The following ADAMTS19 variants were observed in gnomAD, a reference collection of about 807,000 sequenced individuals.
ADAMTS19 encodes the protein A disintegrin and metalloproteinase with thrombospondin motifs 19.
In ADAMTS19, 93 loss-of-function variants were observed where a neutral mutation model predicts 153.3. That is an observed-to-expected ratio of 0.61 (90% CI 0.51 to 0.72). The LOEUF (loss-of-function observed/expected upper bound fraction) is 0.72, where lower values mean the gene tolerates loss of function less well. Ranked by LOEUF, ADAMTS19 falls within the 30% of genes least tolerant of loss-of-function variation. ADAMTS19 has a pLI of 0.00. For missense variants in ADAMTS19, 1,482 were observed against 1,552.1 expected (o/e 0.95, Z 0.76); for synonymous variants, 600 against 556.6 (o/e 1.08, Z -1.10).
chr5:129,665,472 T>C, intron 15 of ADAMTS19, 27 bp from the exon 16 acceptor site: 1 of 1,532,914 alleles, frequency 6.5e-7, no homozygotes, highest in African/African-American at 1.4e-5. Context: ...ACTCAAGATT[T>C]ATTTCATGTT....
chr5:129,627,908 A>T (rs941828097), intron 10 of ADAMTS19, among the ~76,000 whole-genome samples: 8 of 151,900 alleles, frequency 5.3e-5, no homozygotes, highest in African/African-American at 1.9e-4. Context: ...CTAAAAAAAA[A>T]ACTACCCATA....
chr5:129,611,446 A>T (rs1222778517), intron 8 of ADAMTS19, among the ~76,000 whole-genome samples: 2 of 152,136 alleles, frequency 1.3e-5, no homozygotes, highest in Non-Finnish European at 2.9e-5. Flanking sequence ...TCTTTAATCT[A>T]TCTTGAATTA....
intron 18 of ADAMTS19, among the ~76,000 whole-genome samples, chr5:129,692,317 C>T (rs148111386): frequency 1.1e-3 from 166 of 152,032 alleles, no homozygotes; most frequent in African/African-American, 3.6e-3. Context: ...AATCTTACCT[C>T]GTGATGCCTG....
At chr5:129,624,980 C>T (rs937441847) in intron 10 of ADAMTS19, among the ~76,000 whole-genome samples, 43 of 151,652 alleles carry the variant, frequency 2.8e-4, no homozygotes, top group African/African-American at 1.0e-3. Context: ...TGCTGTCCTT[C>T]CCCCATCCCC....
At chr5:129,632,003 A>G (rs1752318641) in intron 10 of ADAMTS19, among the ~76,000 whole-genome samples, 2 of 152,044 alleles carry the variant, frequency 1.3e-5, no homozygotes, top group Admixed American at 1.3e-4. Flanking sequence ...TTACCTCTTT[A>G]AGAGGCCTGA....
chr5:129,618,096 G>A (rs1240864567), intron 8 of ADAMTS19, among the ~76,000 whole-genome samples: 1 of 151,968 alleles, frequency 6.6e-6, no homozygotes, highest in Non-Finnish European at 1.5e-5. Context: ...ATTGCCTTTG[G>A]TCACATTAAC....
At chr5:129,589,728 G>A (rs556738600) in intron 7 of ADAMTS19, among the ~76,000 whole-genome samples, 43 of 152,030 alleles carry the variant, frequency 2.8e-4, no homozygotes, top group African/African-American at 8.7e-4. Context: ...TATATCTGTG[G>A]TCTGTCTCTT....
Position 129,658,158 on chromosome 5 carries a change from T to A in ADAMTS19, c.2305-459T>A, listed in dbSNP as rs1753627825. Among the ~76,000 whole-genome samples, 4 of 151,960 alleles carry A rather than the reference T, an allele frequency of 2.6e-5. No homozygotes were observed. In the South Asian group the frequency reaches 8.3e-4, roughly 32 times the overall value. ...AAAATTAACCCAGCATGGTGACGCATGCCTATAGTCCCAGCTACTCGGGAG... is the reference window on the plus strand; with the variant it reads ...AAAATTAACCCAGCATGGTGACGCAAGCCTATAGTCCCAGCTACTCGGGAG... On this transcript the variant is annotated intron_variant, in intron 14 of 22. Transcript: ENST00000274487.
intron 21 of ADAMTS19, among the ~76,000 whole-genome samples, chr5:129,724,830 G>A (rs886870618): frequency 6.6e-6 from 1 of 152,082 alleles, no homozygotes; most frequent in East Asian, 1.9e-4. Context: ...GAAGAAGCTG[G>A]CCACCCCACC....
intron 21 of ADAMTS19, among the ~76,000 whole-genome samples, chr5:129,715,166 AT>A (rs953008444): frequency 6.6e-6 from 1 of 152,148 alleles, no homozygotes; most frequent in Non-Finnish European, 1.5e-5. Context: ...AGGGAAATGA[AT>A]TTTTTTACTT....
intron 7 of ADAMTS19, among the ~76,000 whole-genome samples, chr5:129,555,761 G>C (rs1314049496): frequency 6.6e-6 from 1 of 152,118 alleles, no homozygotes; most frequent in African/African-American, 2.4e-5. Context: ...CAGATCTTCT[G>C]ACTGTACTGT....
At chr5:129,681,418 G>GAAT (rs1754806248) in intron 17 of ADAMTS19, among the ~76,000 whole-genome samples, 1 of 152,052 alleles carries the variant, frequency 6.6e-6, no homozygotes, top group Admixed American at 6.5e-5. Context: ...TTCCAAATCA[G>GAAT]AATAATAATA....
chr5:129,731,439 T>C (rs1405938658), intron 21 of ADAMTS19, among the ~76,000 whole-genome samples: 6 of 152,068 alleles, frequency 3.9e-5, no homozygotes, highest in Admixed American at 3.9e-4. Flanking sequence ...CTGGATATAG[T>C]GGGATACTGG....
At chr5:129,625,198 G>A (rs1033049370) in intron 10 of ADAMTS19, among the ~76,000 whole-genome samples, 3 of 152,096 alleles carry the variant, frequency 2.0e-5, no homozygotes, top group Non-Finnish European at 4.4e-5. Context: ...AGTATTCCAT[G>A]GTGTATATGT....
chr5:129,493,324 A>T (rs1322234887), intron 2 of ADAMTS19, among the ~76,000 whole-genome samples: 13 of 152,052 alleles, frequency 8.5e-5, no homozygotes, highest in Admixed American at 8.5e-4. Flanking sequence ...AAGAATGATC[A>T]TGATTCCACG....
At chr5:129,676,523 A>G (rs1452478803) in intron 16 of ADAMTS19, among the ~76,000 whole-genome samples, 3 of 151,966 alleles carry the variant, frequency 2.0e-5, no homozygotes, top group Non-Finnish European at 4.4e-5. Context: ...GGGTCTGGTA[A>G]ATATTTTCAA....
intron 2 of ADAMTS19, among the ~76,000 whole-genome samples, chr5:129,493,394 C>A (rs1180134397): frequency 9.1e-6 from 1 of 109,534 alleles, no homozygotes; most frequent in African/African-American, 5.0e-5. Context: ...ACTCATTTGG[C>A]TACTACAGGT....
At chr5:129,722,375 TTGTTGGC>T (rs1388076591) in intron 21 of ADAMTS19, among the ~76,000 whole-genome samples, 6 of 152,178 alleles carry the variant, frequency 3.9e-5, no homozygotes, top group African/African-American at 1.4e-4. Context: ...TTTTTCATGT[TTGTTGGC>T]TGCATAAATG....
intron 15 of ADAMTS19, among the ~76,000 whole-genome samples, chr5:129,665,100 A>T (rs1263291620): frequency 7.2e-5 from 11 of 152,110 alleles, no homozygotes; most frequent in Non-Finnish European, 1.5e-4. Flanking sequence ...CCGGCTATAT[A>T]TTCTTTTTCC....
Sources: allele counts gnomAD v4.1 joint callset (sites outside exome capture counted in the v4.1 genomes callset), GRCh38; gene constraint gnomAD v4.1.1; transcripts MANE v1.5; gene names NCBI Gene and HGNC (gene_info 2026-07-23, HGNC 2026-07-21).